FAM114A1: variants seen among roughly 807,000 people sequenced by gnomAD.
The protein encoded by FAM114A1 is family with sequence similarity 114 member A1.
A neutral mutation model predicts 64.3 loss-of-function variants in FAM114A1; 62 were observed. The ratio of observed to expected loss-of-function variants is 0.96; its 90% CI spans 0.79 to 1.19. FAM114A1 has a LOEUF of 1.19. Among genes scored for constraint, FAM114A1 ranks in the 50% most tolerant of loss-of-function variants. The pLI, the probability that FAM114A1 is intolerant of heterozygous loss-of-function variation, is 0.00. For missense variants in FAM114A1, 645 were observed against 676.3 expected (o/e 0.95, Z 0.51); for synonymous variants, 254 against 251.1 (o/e 1.01, Z -0.11).
chr4:38,881,260 G>A (rs1715242867), intron 3 of FAM114A1, among the ~76,000 whole-genome samples: 1 of 151,874 alleles, frequency 6.6e-6, no homozygotes, highest in African/African-American at 2.4e-5. Flanking sequence ...TTGGTCAAAT[G>A]GAATGAATCT....
rs148203960 is a variant in FAM114A1 at position 38,888,020 on chromosome 4, A to G, written c.349-3723A>G. 1.5e-3 allele frequency among the ~76,000 whole-genome samples: 232 copies of G among 152,298 alleles called. 2 individuals are homozygous for G. In the South Asian group the frequency reaches 0.024, roughly 16 times the overall value. ...TTGATCTGCTCAAGGAAATAGAAGA[A>G]CCAAGTTGCTCCTTCAGCTTTAAGA... is the stretch of plus-strand genomic sequence containing the variant. On this transcript the variant is annotated intron_variant, in intron 3 of 14. Transcript: ENST00000358869.
intron 8 of FAM114A1, among the ~76,000 whole-genome samples, chr4:38,918,983 T>C (rs550980515): frequency 6.6e-6 from 1 of 151,910 alleles, no homozygotes; most frequent in East Asian, 1.9e-4. Context: ...CAAAACCCCA[T>C]CTCTACTAAA....
chr4:38,936,371 G>T (rs1480029564), intron 13 of FAM114A1, among the ~76,000 whole-genome samples: 1 of 151,964 alleles, frequency 6.6e-6, no homozygotes, highest in Non-Finnish European at 1.5e-5. Flanking sequence ...TGGGATTACA[G>T]GCGTGAGCCA....
intron 3 of FAM114A1, 124 bp downstream of exon 3, chr4:38,878,550 G>A (rs912633634): frequency 1.4e-6 from 1 of 716,756 alleles, no homozygotes; most frequent in East Asian, 2.7e-5. Context: ...CATCCCCTCT[G>A]TCATCAGAAA....
intron 3 of FAM114A1, among the ~76,000 whole-genome samples, chr4:38,878,900 T>G (rs1167286055): frequency 6.6e-6 from 1 of 152,212 alleles, no homozygotes; most frequent in African/African-American, 2.4e-5. Flanking sequence ...TAAGATCACT[T>G]AAAATCTGAT....
chr4:38,876,823 G>A (rs572860152), intron 2 of FAM114A1, among the ~76,000 whole-genome samples: 1 of 152,296 alleles, frequency 6.6e-6, no homozygotes, highest in Admixed American at 6.5e-5. Context: ...AGCTTCTGGT[G>A]GCCACCCATA....
At chr4:38,883,937 G>A (rs1452671310) in intron 3 of FAM114A1, among the ~76,000 whole-genome samples, 1 of 152,208 alleles carries the variant, frequency 6.6e-6, no homozygotes, top group Non-Finnish European at 1.5e-5. Flanking sequence ...TTGGAATCAT[G>A]TGGGGAGCCT....
intron 8 of FAM114A1, among the ~76,000 whole-genome samples, chr4:38,922,123 A>G (rs1719655547): frequency 6.6e-6 from 1 of 151,974 alleles, no homozygotes; most frequent in South Asian, 2.1e-4. Context: ...TGTATTTGTA[A>G]TAGAGACGGG....
At chr4:38,927,315 C>T (rs967775218) in intron 9 of FAM114A1, among the ~76,000 whole-genome samples, 3 of 152,280 alleles carry the variant, frequency 2.0e-5, no homozygotes, top group African/African-American at 2.4e-5. Flanking sequence ...ACCGTAAAGT[C>T]GAAGCTCAAA....
chr4:38,939,327 G>A (rs188164249), intron 13 of FAM114A1, among the ~76,000 whole-genome samples: 36 of 152,276 alleles, frequency 2.4e-4, no homozygotes, highest in African/African-American at 8.4e-4. Flanking sequence ...GTGCTGTGAT[G>A]AATCATTTAC....
At chr4:38,907,303 G>A (rs1718103806) in intron 6 of FAM114A1, among the ~76,000 whole-genome samples, 1 of 152,094 alleles carries the variant, frequency 6.6e-6, no homozygotes, top group African/African-American at 2.4e-5. Context: ...TATAAGAAAT[G>A]AATTCACGGC....
intron 4 of FAM114A1, among the ~76,000 whole-genome samples, chr4:38,898,099 G>A (rs143451646): frequency 0.018 from 2,685 of 152,292 alleles, 92 homozygotes; most frequent in African/African-American, 0.06. Flanking sequence ...GCTAAAACAT[G>A]TATAAGTATA....
intron 2 of FAM114A1, among the ~76,000 whole-genome samples, chr4:38,870,803 C>T (rs1713979073): frequency 6.6e-6 from 1 of 152,226 alleles, no homozygotes; most frequent in South Asian, 2.1e-4. Context: ...TCCTGGTGGA[C>T]TCCAGCAGCC....
intron 13 of FAM114A1, among the ~76,000 whole-genome samples, chr4:38,936,445 C>G (rs1721108025): frequency 6.6e-6 from 1 of 150,526 alleles, no homozygotes; most frequent in South Asian, 2.1e-4. Flanking sequence ...TACTTAATAT[C>G]TGTGATGTAT....
chr4:38,924,100 C>T (rs766516524), intron 9 of FAM114A1, among the ~76,000 whole-genome samples: 1 of 152,064 alleles, frequency 6.6e-6, no homozygotes, highest in Admixed American at 6.6e-5. Context: ...TGCTATATGG[C>T]GTTAAACAAG....
At chr4:38,907,294 A>G (rs908629408) in intron 6 of FAM114A1, among the ~76,000 whole-genome samples, 13 of 152,190 alleles carry the variant, frequency 8.5e-5, no homozygotes, top group Admixed American at 3.3e-4. Context: ...TACCTCTGGT[A>G]TAAGAAATGA....
rs568747805 is a variant in FAM114A1, at chr4:38,903,801, A to T, written c.437-1721A>T. ...TAATGATCTGCACATGACTATAAAC[A>T]CGTATTTCTATATGTGATTACAGTT... On this transcript the variant is annotated intron_variant, in intron 4 of 14. Coordinates refer to ENST00000358869, the MANE Select transcript of FAM114A1 (RefSeq NM_138389.4). Among the ~76,000 whole-genome samples, 4 of 152,262 alleles carry T rather than the reference A, an allele frequency of 2.6e-5. No homozygotes were observed. The East Asian group carries it at 5.8e-4, about 22-fold the overall frequency.
chr4:38,904,614 C>T (rs988838822), intron 4 of FAM114A1, among the ~76,000 whole-genome samples: 2 of 152,184 alleles, frequency 1.3e-5, no homozygotes, highest in African/African-American at 4.8e-5. Context: ...CCTGGTTTCT[C>T]CACTGACTTG....
intron 8 of FAM114A1, among the ~76,000 whole-genome samples, chr4:38,916,562 C>T (rs1035316963): frequency 5.9e-5 from 9 of 152,010 alleles, no homozygotes; most frequent in Non-Finnish European, 4.4e-5. Context: ...AACACAAGAA[C>T]GGAAAACCAA....
Sources: allele counts gnomAD v4.1 joint callset (sites outside exome capture counted in the v4.1 genomes callset), GRCh38; gene constraint gnomAD v4.1.1; transcripts MANE v1.5; gene names NCBI Gene and HGNC (gene_info 2026-07-23, HGNC 2026-07-21).